The following PDE3A variants were observed in gnomAD, a reference collection of about 807,000 sequenced individuals.
PDE3A encodes cGMP-inhibited 3',5'-cyclic phosphodiesterase 3A.
In PDE3A, 43 loss-of-function variants were observed where a neutral mutation model predicts 98.3. That is an observed-to-expected ratio of 0.44 (90% confidence interval 0.34 to 0.56). The LOEUF (loss-of-function observed/expected upper bound fraction) is 0.56, where lower values mean the gene tolerates loss of function less well. PDE3A is among the 20% of genes least tolerant of loss of function. The pLI is 0.01. For synonymous variants in PDE3A, 663 were observed against 567.9 expected (o/e 1.17, Z -2.38); for missense variants, 1,427 against 1,440.7 (o/e 0.99, Z 0.15).
Position 20,369,276 on chromosome 12 carries a change from C to G in PDE3A, c.-9C>G. ...CACTGGGAATTCAGTGAAGAGGGCACCCTATACCATGGCAGTGCCCGGCGA... is the reference window on the plus strand; with the variant it reads ...CACTGGGAATTCAGTGAAGAGGGCAGCCTATACCATGGCAGTGCCCGGCGA... On this transcript the variant is annotated 5_prime_UTR_variant, in exon 1 of 16. Coordinates refer to ENST00000359062, the MANE Select transcript of PDE3A (RefSeq NM_000921.5). 42 of 1,505,658 alleles carry G rather than the reference C, an allele frequency of 2.8e-5. No homozygotes were observed. The highest frequency in any genetic ancestry group is 3.7e-5 in the Non-Finnish European group (42 of 1,122,744). The allele number at this position is 1,505,658 out of a possible 1,614,324, so 93.3% of individuals were successfully genotyped here.
chr12:20,459,580 A>G (rs1409238253), intron 1 of PDE3A, among the ~76,000 whole-genome samples: 1 of 152,124 alleles, frequency 6.6e-6, no homozygotes, highest in Admixed American at 6.6e-5. Flanking sequence ...TTCACCATCA[A>G]GAGATTGTTT....
chr12:20,634,264 A>C (rs1235632302), intron 7 of PDE3A, among the ~76,000 whole-genome samples: 1 of 152,196 alleles, frequency 6.6e-6, no homozygotes, highest in Non-Finnish European at 1.5e-5. Context: ...TACTCAATAA[A>C]CTTCCTTCAG....
chr12:20,531,342 T>C (rs1386292993), intron 1 of PDE3A, among the ~76,000 whole-genome samples: 1 of 152,166 alleles, frequency 6.6e-6, no homozygotes, highest in Non-Finnish European at 1.5e-5. Flanking sequence ...GTTTATTTGA[T>C]GTGAAGGGGA....
intron 1 of PDE3A, among the ~76,000 whole-genome samples, chr12:20,425,294 TG>T (rs1944585219): frequency 6.6e-6 from 1 of 152,126 alleles, no homozygotes; most frequent in Admixed American, 6.6e-5. Flanking sequence ...CTAAAGAAAC[TG>T]AGCGATTTTA....
intron 1 of PDE3A, among the ~76,000 whole-genome samples, chr12:20,529,586 A>G (rs1338859774): frequency 1.3e-5 from 2 of 152,244 alleles, no homozygotes; most frequent in East Asian, 1.9e-4. Context: ...GCAGATGGCC[A>G]TCTGAAGACA....
chr12:20,613,355 A>G (rs894409362), intron 2 of PDE3A, 88 bp from the exon 3 acceptor site: 4 of 1,206,314 alleles, frequency 3.3e-6, no homozygotes, highest in Non-Finnish European at 3.6e-6. Flanking sequence ...AGCCCAATTC[A>G]TTTCTTAGTG....
At chr12:20,395,548 TGTGTACACATAGTATATATATACATA>T (rs1478346272) in intron 1 of PDE3A, among the ~76,000 whole-genome samples, 1 of 146,944 alleles carries the variant, frequency 6.8e-6, no homozygotes, top group Non-Finnish European at 1.5e-5. Flanking sequence ...ATGTATACTA[TGTGTACACATAGTATATATATACATA>T]GTATTATATA....
In PDE3A at chr12:20,666,405, C is replaced by A. The variant is rs1401046698; in HGVS notation, c.3184+12200C>A. ...AACTAGTATGTTTGTGCTCATTAAT[C>A]AATATCTCTTCATTCCTCCTAACCC... On this transcript the variant is annotated intron_variant, in intron 15 of 15. Coordinates refer to ENST00000359062, the MANE Select transcript of PDE3A (RefSeq NM_000921.5). Among the ~76,000 whole-genome samples, 3 of 152,156 alleles carry A rather than the reference C, an allele frequency of 2.0e-5. No individual in the cohort carries two copies. In the East Asian group the frequency reaches 5.8e-4, roughly 29 times the overall value.
intron 1 of PDE3A, among the ~76,000 whole-genome samples, chr12:20,512,623 A>T (rs1368925645): frequency 6.6e-6 from 1 of 152,132 alleles, no homozygotes; most frequent in Non-Finnish European, 1.5e-5. Context: ...ACACAATGGA[A>T]TATCTGGCAG....
intron 10 of PDE3A, 100 bp from the exon 11 acceptor site, chr12:20,646,390 T>A: frequency 1.5e-6 from 1 of 676,854 alleles, no homozygotes; most frequent in Non-Finnish European, 2.6e-6. Context: ...ATGGAAATAG[T>A]AAAATGTTAG....
intron 15 of PDE3A, among the ~76,000 whole-genome samples, chr12:20,676,170 T>A (rs1261922042): frequency 6.6e-6 from 1 of 152,222 alleles, no homozygotes; most frequent in Non-Finnish European, 1.5e-5. Context: ...ACCAGTGGGT[T>A]TTATACTTTC....
At chr12:20,603,462 ATGAG>A (rs1388771693) in intron 2 of PDE3A, among the ~76,000 whole-genome samples, 2 of 152,216 alleles carry the variant, frequency 1.3e-5, no homozygotes, top group Non-Finnish European at 1.5e-5. Flanking sequence ...CAGGACTATT[ATGAG>A]TATTTTGCAG....
chr12:20,369,918 G>C lies in PDE3A; in HGVS notation c.634G>C (p.Val212Leu), dbSNP rs765996215. ...GCTGGTGCTGAGGCTGAGGCTGGGC[G>C]TCCTCATGATCGCCTTGACTAGCGC... ...TWLVLRLRLG[V>L]LMIALTSAVR... Residue 212 changes from valine (V) to leucine (L), a missense_variant, in exon 1 of 16, where the codon GTC (valine) becomes CTC (leucine). By Grantham distance (32) the Val-to-Leu change is conservative. Around this residue, in one of 3 missense-constraint regions of PDE3A, gnomAD observed 1,012 missense variants for 886.5 expected, o/e 1.14. Transcript: ENST00000359062. 6.2e-7 allele frequency: 1 copy of C among 1,613,456 alleles called. No individual in the cohort carries two copies. Among genetic ancestry groups the C allele is most frequent in the East Asian group, 2.2e-5 (1 of 44,824 alleles).
In PDE3A at chr12:20,680,013, T is replaced by A; in HGVS notation, c.3185-17T>A. The stretch of plus-strand genomic sequence containing the variant: ...CTAAGTAGTCTGATTTGGTGTTTTT[T>A]ATTTTATTTATTTTAGAAAAGAAGA... On this transcript the variant is annotated splice_polypyrimidine_tract_variant and intron_variant, in intron 15 of 15. Coordinates refer to ENST00000359062, the MANE Select transcript of PDE3A (RefSeq NM_000921.5). 2.6e-6 allele frequency: 4 copies of A among 1,566,578 alleles called. No homozygotes were observed. The highest frequency in any genetic ancestry group is 3.5e-6 in the Non-Finnish European group (4 of 1,148,574).
At chr12:20,430,284 C>A (rs1366575818) in intron 1 of PDE3A, among the ~76,000 whole-genome samples, 1 of 152,022 alleles carries the variant, frequency 6.6e-6, no homozygotes, top group Non-Finnish European at 1.5e-5. Context: ...AAGAGTACAC[C>A]TTTAAAATTT....
At chr12:20,501,229 G>T (rs1449072607) in intron 1 of PDE3A, among the ~76,000 whole-genome samples, 1 of 152,108 alleles carries the variant, frequency 6.6e-6, no homozygotes. Flanking sequence ...TTCTCTTTGG[G>T]CTTATGAAAC....
intron 1 of PDE3A, among the ~76,000 whole-genome samples, chr12:20,447,452 G>T (rs1433391658): frequency 6.6e-6 from 1 of 152,152 alleles, no homozygotes. Context: ...AACCTCTGCA[G>T]GGCTGAAGGT....
At chr12:20,506,394 T>A (rs1486570761) in intron 1 of PDE3A, among the ~76,000 whole-genome samples, 1 of 152,078 alleles carries the variant, frequency 6.6e-6, no homozygotes, top group African/African-American at 2.4e-5. Flanking sequence ...AATTTTTTTC[T>A]GCATCTGTCC....
At position 20,445,873 on chromosome 12, in the gene PDE3A, C is replaced by G. The variant is rs1041761366; in HGVS notation, c.960+75629C>G. 1.3e-4 allele frequency among the ~76,000 whole-genome samples: 20 copies of G among 152,114 alleles called. 1 individual carries two copies. The highest frequency in any genetic ancestry group is 4.3e-4 in the African/African-American group (18 of 41,412). On this transcript the variant is annotated intron_variant, in intron 1 of 15. Coordinates refer to ENST00000359062, the MANE Select transcript of PDE3A (RefSeq NM_000921.5). Reference sequence around the variant, plus strand: ...ATCATTCATACCGTACATCTCCTTTCTAGGTCACAAAGCTTTTAAAAAAAA... The same window carrying G: ...ATCATTCATACCGTACATCTCCTTTGTAGGTCACAAAGCTTTTAAAAAAAA...
Sources: gnomAD v4.1 joint callset for allele counts (sites outside exome capture counted in the v4.1 genomes callset) on GRCh38, gnomAD v4.1.1 for gene constraint, gnomAD v4.1.1 regional missense constraint, MANE v1.5 for transcripts, NCBI Gene and HGNC (gene_info 2026-07-23, HGNC 2026-07-21) for gene names.